SLC30A7: variants seen among roughly 807,000 people sequenced by gnomAD.
SLC30A7 encodes solute carrier family 30 member 7.
Under a neutral mutation model 46.0 loss-of-function variants are expected in SLC30A7, and 35 were observed. The observed-to-expected ratio is 0.76, with a 90% confidence interval of 0.58 to 1.01. The LOEUF is 1.01. Ranked by LOEUF, SLC30A7 falls within the 50% of genes least tolerant of loss-of-function variation. The pLI, the probability that SLC30A7 is intolerant of heterozygous loss-of-function variation, is 0.00. For missense variants in SLC30A7, 464 were observed against 451.1 expected (o/e 1.03, Z -0.26); for synonymous variants, 147 against 157.8 (o/e 0.93, Z 0.51).
intron 3 of SLC30A7, 99 bp from the exon 4 acceptor site, chr1:100,910,964 C>G: frequency 1.1e-6 from 1 of 906,842 alleles, no homozygotes; most frequent in Non-Finnish European, 1.7e-6. Context: ...CACTTATAAC[C>G]ATGTAATATG....
At chr1:100,985,403 GTA>G (rs1424051686), downstream of SLC30A7, among the ~76,000 whole-genome samples, 3 of 152,102 alleles carry the variant, frequency 2.0e-5, no homozygotes, top group Non-Finnish European at 4.4e-5. Flanking sequence ...AACCTCTTTT[GTA>G]TATGTCAACA....
At chr1:100,970,103 T>A (rs144397106) in intron 10 of SLC30A7, among the ~76,000 whole-genome samples, 66 of 152,296 alleles carry the variant, frequency 4.3e-4, no homozygotes, top group African/African-American at 1.5e-3. Flanking sequence ...ATGCTTCAGG[T>A]GTATTTCTTA....
At chr1:100,939,980 T>G (rs2101055745) in intron 8 of SLC30A7, among the ~76,000 whole-genome samples, 1 of 152,146 alleles carries the variant, frequency 6.6e-6, no homozygotes, top group South Asian at 2.1e-4. Context: ...TTAAAGTTTA[T>G]AAGGAAAAAA....
chr1:100,930,880 T>C (rs1383556600), intron 8 of SLC30A7, among the ~76,000 whole-genome samples: 2 of 152,094 alleles, frequency 1.3e-5, no homozygotes, highest in East Asian at 3.9e-4. Flanking sequence ...TAAAAACTGA[T>C]TAGTCTAACA....
rs1363252342 is a variant in SLC30A7 at position 100,950,785 on chromosome 1, CTATTTTA to C, written c.843-11042_843-11036del. Among the ~76,000 whole-genome samples, 6 of 152,190 alleles carry C rather than the reference CTATTTTA, an allele frequency of 3.9e-5. No individual in the cohort carries two copies. The East Asian group carries it at 1.2e-3, about 29-fold the overall frequency. ...AAGCACTCACTATGTTGATGAAATC[CTATTTTA>C]GTTTGGGTTGCCCTAGAGACATGAT... is the stretch of plus-strand genomic sequence containing the variant. On this transcript the variant is annotated intron_variant, in intron 8 of 10. Transcript: ENST00000357650.
At chr1:100,949,717 A>C (rs1654854504) in intron 8 of SLC30A7, among the ~76,000 whole-genome samples, 1 of 152,142 alleles carries the variant, frequency 6.6e-6, no homozygotes, top group South Asian at 2.1e-4. Flanking sequence ...AGCCTCAGCA[A>C]TACAGATGCC....
chr1:100,985,996 AAGT>A (rs1396793269), downstream of SLC30A7, among the ~76,000 whole-genome samples: 1 of 152,234 alleles, frequency 6.6e-6, no homozygotes, highest in Non-Finnish European at 1.5e-5. Flanking sequence ...TCCAATTTAA[AAGT>A]AGGCAAAAGA....
At chr1:100,911,641 C>T (rs1365313143) in intron 4 of SLC30A7, among the ~76,000 whole-genome samples, 3 of 152,124 alleles carry the variant, frequency 2.0e-5, no homozygotes, top group Non-Finnish European at 4.4e-5. Context: ...ACTTGCGCCT[C>T]CTGGTGTAAG....
intron 8 of SLC30A7, chr1:100,942,007 AAG>A (rs1395491058): frequency 4.2e-6 from 1 of 238,436 alleles, no homozygotes; most frequent in Non-Finnish European, 8.3e-6. Flanking sequence ...CGGCAGTGGG[AAG>A]AGAGATTTTA....
At chr1:100,908,443 A>G (rs774364693) in intron 3 of SLC30A7, among the ~76,000 whole-genome samples, 12 of 152,344 alleles carry the variant, frequency 7.9e-5, no homozygotes, top group South Asian at 2.1e-4. Context: ...ATAGCTATAT[A>G]TTGTGACAGT....
chr1:100,911,216 GAT>G (rs1652072009), intron 4 of SLC30A7, 66 bp downstream of exon 4: 3 of 1,127,904 alleles, frequency 2.7e-6, no homozygotes, highest in Non-Finnish European at 2.5e-6. Flanking sequence ...ATTAATTAAA[GAT>G]ATATGTAAGT....
In SLC30A7 at chr1:100,913,678, A is replaced by C; in HGVS notation, c.527A>C (p.His176Pro). 6.2e-7 allele frequency: 1 copy of C among 1,613,872 alleles called. No individual in the cohort carries two copies. The change falls in exon 6 of 11, where the codon CAT becomes CCT. Residue 176 changes from histidine (H) to proline (P), a missense_variant. Physicochemically the swap from His to Pro is moderately conservative, Grantham distance 77. Transcript: ENST00000357650. ...TGTTTTCTAGGCCACGGACACAGTC[A>C]TTCCCTCTTTAATGGTGCTCTAGAT... is the stretch of plus-strand genomic sequence containing the variant. Reference protein sequence around the residue: ...HSHGSGHGHSHSLFNGALDQA... With the variant: ...HSHGSGHGHSPSLFNGALDQA...
Position 100,942,597 on chromosome 1 carries a change from A to G in SLC30A7, c.843-19231A>G, listed in dbSNP as rs1266449696. On this transcript the variant is annotated intron_variant, in intron 8 of 10. Coordinates refer to ENST00000357650, the MANE Select transcript of SLC30A7 (RefSeq NM_133496.5). Reference sequence around the variant, plus strand: ...GCTTTATTCAAGTGAAAAGCTGAGAATGGCCATCTGGGAAACACAAACTCC... The same window carrying G: ...GCTTTATTCAAGTGAAAAGCTGAGAGTGGCCATCTGGGAAACACAAACTCC... Among the ~76,000 whole-genome samples, 3 of 152,212 alleles carry G rather than the reference A, an allele frequency of 2.0e-5. No individual in the cohort carries two copies. In the East Asian group the frequency reaches 5.8e-4, roughly 29 times the overall value.
intron 10 of SLC30A7, among the ~76,000 whole-genome samples, chr1:100,969,062 G>A (rs1322815435): frequency 6.6e-6 from 1 of 152,100 alleles, no homozygotes; most frequent in Non-Finnish European, 1.5e-5. Context: ...GTATAATTAG[G>A]ATTTACTCCA....
intron 8 of SLC30A7, among the ~76,000 whole-genome samples, chr1:100,949,406 C>T (rs1557999968): frequency 1.3e-5 from 2 of 152,160 alleles, no homozygotes; most frequent in Non-Finnish European, 2.9e-5. Flanking sequence ...GGGCACCCGC[C>T]TGTGTGAGGT....
At chr1:100,937,688 T>C (rs1654057243) in intron 8 of SLC30A7, among the ~76,000 whole-genome samples, 1 of 152,214 alleles carries the variant, frequency 6.6e-6, no homozygotes, top group African/African-American at 2.4e-5. Context: ...GTGGGTGTTC[T>C]TTATATATTC....
chr1:100,919,446 C>T (rs1227954545), intron 7 of SLC30A7, among the ~76,000 whole-genome samples: 1 of 152,012 alleles, frequency 6.6e-6, no homozygotes, highest in Non-Finnish European at 1.5e-5. Context: ...TTTATTTTTT[C>T]ACTGTGAATA....
chr1:100,994,086 T>C, the SLC30A7 span, among the ~76,000 whole-genome samples: 2 of 152,194 alleles, frequency 1.3e-5, no homozygotes, highest in Admixed American at 6.5e-5. Flanking sequence ...CAAAATGTTG[T>C]AATTTAACAC....
chr1:100,942,678 A>G (rs1293263886), intron 8 of SLC30A7, among the ~76,000 whole-genome samples: 1 of 152,264 alleles, frequency 6.6e-6, no homozygotes, highest in East Asian at 1.9e-4. Context: ...TTATACAGGC[A>G]GAAAACAAAT....
Sources: allele counts gnomAD v4.1 joint callset (sites outside exome capture counted in the v4.1 genomes callset), GRCh38; gene constraint gnomAD v4.1.1; transcripts MANE v1.5; gene names NCBI Gene and HGNC (gene_info 2026-07-23, HGNC 2026-07-21).